Variants in ZBBX observed in about 807,000 individuals in gnomAD.
The protein encoded by ZBBX is zinc finger B-box domain-containing protein 1.
ZBBX carries 101 observed loss-of-function variants against 108.5 expected under a neutral mutation model. The ratio of observed to expected loss-of-function variants is 0.93; its 90% CI spans 0.79 to 1.10. The LOEUF is 1.10. ZBBX is among the 50% of genes least tolerant of loss of function. ZBBX has a pLI of 0.00. For missense variants in ZBBX, 1,009 were observed against 941.4 expected, an observed-to-expected ratio of 1.07 and a Z score of -0.94; for synonymous variants, 356 against 323.4, an observed-to-expected ratio of 1.10 and a Z score of -1.08.
chr3:167,223,082 A>G, the ZBBX span, among the ~76,000 whole-genome samples: 25 of 152,050 alleles, frequency 1.6e-4, no homozygotes, highest in African/African-American at 6.0e-4. Flanking sequence ...ATCAATTAAA[A>G]AAAGTCTCAT....
At chr3:167,312,703 A>G (rs907042348) in intron 16 of ZBBX, among the ~76,000 whole-genome samples, 24 of 152,224 alleles carry the variant, frequency 1.6e-4, no homozygotes, top group Non-Finnish European at 2.5e-4. Flanking sequence ...AACTAGCTTG[A>G]TCAAACTATA....
chr3:167,285,308 T>C (rs1224881185), intron 19 of ZBBX, among the ~76,000 whole-genome samples: 2 of 152,096 alleles, frequency 1.3e-5, no homozygotes, highest in Non-Finnish European at 2.9e-5. Context: ...AGATGAAATG[T>C]AACTATAGCA....
At chr3:167,258,721 T>G (rs895223751) in intron 20 of ZBBX, among the ~76,000 whole-genome samples, 2 of 152,212 alleles carry the variant, frequency 1.3e-5, no homozygotes, top group Non-Finnish European at 2.9e-5. Context: ...TCTGCATCTA[T>G]TGAAATGATC....
At chr3:167,216,895 G>A in the ZBBX span, among the ~76,000 whole-genome samples, 3 of 152,132 alleles carry the variant, frequency 2.0e-5, no homozygotes, top group South Asian at 2.1e-4. Flanking sequence ...TCAATAAATG[G>A]TGCTGGGATA....
intron 21 of ZBBX, among the ~76,000 whole-genome samples, chr3:167,241,587 T>C (rs1202056555): frequency 4.6e-5 from 7 of 152,138 alleles, no homozygotes; most frequent in Non-Finnish European, 4.4e-5. Flanking sequence ...TAAATGATAA[T>C]AGAAATGCAA....
chr3:167,405,971 C>T (rs961208911), intron 1 of ZBBX, among the ~76,000 whole-genome samples: 3 of 151,610 alleles, frequency 2.0e-5, no homozygotes, highest in Non-Finnish European at 4.4e-5. Context: ...GAGGCTAAGG[C>T]AGGAGAATCA....
chr3:167,331,352 T>G (rs534340836), intron 10 of ZBBX, among the ~76,000 whole-genome samples: 1 of 152,274 alleles, frequency 6.6e-6, no homozygotes, highest in Non-Finnish European at 1.5e-5. Context: ...TAGGAGTATT[T>G]GTGAGAAGGT....
At chr3:167,403,192 A>G (rs979192515) in intron 1 of ZBBX, among the ~76,000 whole-genome samples, 1 of 152,162 alleles carries the variant, frequency 6.6e-6, no homozygotes, top group Non-Finnish European at 1.5e-5. Flanking sequence ...TCTAACGGGT[A>G]CCACAGTAAA....
chr3:167,327,194 G>A (rs558017730), intron 11 of ZBBX, among the ~76,000 whole-genome samples: 13 of 149,864 alleles, frequency 8.7e-5, no homozygotes, highest in Non-Finnish European at 1.8e-4. Flanking sequence ...CAATGAGAAC[G>A]CAAATCAATT....
chr3:167,237,777 A>T (rs772891773), downstream of ZBBX, among the ~76,000 whole-genome samples: 6 of 151,968 alleles, frequency 3.9e-5, no homozygotes, highest in Non-Finnish European at 5.9e-5. Flanking sequence ...CAATTTTTTT[A>T]TCTCAGATTT....
chr3:167,181,209 T>A, the ZBBX span, among the ~76,000 whole-genome samples: 1 of 152,132 alleles, frequency 6.6e-6, no homozygotes, highest in African/African-American at 2.4e-5. Flanking sequence ...TTTTTCCTAG[T>A]CTCATACCAA....
rs147391933 is a variant in ZBBX, at chr3:167,405,469, C to T, written c.-446+2257G>A. Among the ~76,000 whole-genome samples, 52 of 152,158 alleles carry T rather than the reference C, an allele frequency of 3.4e-4. No homozygotes were observed. The East Asian group carries it at 0.01, about 29-fold the overall frequency. On this transcript the variant is annotated intron_variant, in intron 1 of 21. Transcript: ENST00000455345. Reference sequence around the variant, plus strand: ...TAATGTCGAAGCGAGATAAGTGGTACAGAAAAGGTGAAGACTTAAGCAGTC... The same window carrying T: ...TAATGTCGAAGCGAGATAAGTGGTATAGAAAAGGTGAAGACTTAAGCAGTC...
chr3:167,313,407 C>G (rs1428042276), intron 16 of ZBBX, among the ~76,000 whole-genome samples: 2 of 152,006 alleles, frequency 1.3e-5, no homozygotes, highest in African/African-American at 4.8e-5. Context: ...TTCTGAGTAG[C>G]TGGGATTATA....
chr3:167,178,679 C>A, the ZBBX span, among the ~76,000 whole-genome samples: 2 of 152,138 alleles, frequency 1.3e-5, no homozygotes, highest in Non-Finnish European at 2.9e-5. Flanking sequence ...ATAACCTCTA[C>A]CCCAAGTTAT....
At chr3:167,198,900 G>A in the ZBBX span, among the ~76,000 whole-genome samples, 1 of 152,178 alleles carries the variant, frequency 6.6e-6, no homozygotes, top group African/African-American at 2.4e-5. Context: ...TTTGGTAAGA[G>A]TGCATGTGGA....
intron 1 of ZBBX, among the ~76,000 whole-genome samples, chr3:167,405,510 CA>C (rs1560218544): frequency 6.6e-6 from 1 of 152,006 alleles, no homozygotes; most frequent in South Asian, 2.1e-4. Flanking sequence ...ATTTGGTGAA[CA>C]AAAAGTTACT....
the ZBBX span, among the ~76,000 whole-genome samples, chr3:167,187,674 T>G: frequency 6.6e-6 from 1 of 152,300 alleles, no homozygotes; most frequent in South Asian, 2.1e-4. Flanking sequence ...CCAATTAGCA[T>G]TTGAATAATA....
the ZBBX span, among the ~76,000 whole-genome samples, chr3:167,216,762 A>G: frequency 2.0e-5 from 3 of 152,212 alleles, no homozygotes; most frequent in African/African-American, 7.2e-5. Flanking sequence ...TGGTACTGGT[A>G]CAGAAACAGG....
At chr3:167,316,530 AAGT>A (rs1441003667) in intron 14 of ZBBX, among the ~76,000 whole-genome samples, 2 of 58,678 alleles carry the variant, frequency 3.4e-5, no homozygotes, top group African/African-American at 1.1e-4. Flanking sequence ...ACATATGTTC[AAGT>A]TATGTTCAAG....
Sources: gnomAD v4.1 joint callset for allele counts (sites outside exome capture counted in the v4.1 genomes callset) on GRCh38, gnomAD v4.1.1 for gene constraint, MANE v1.5 for transcripts, NCBI Gene and HGNC (gene_info 2026-07-23, HGNC 2026-07-21) for gene names.